Variants in MYT1L observed in about 807,000 individuals in gnomAD.
MYT1L encodes myelin transcription factor 1 like, also known as myelin transcription factor 1-like protein.
In MYT1L, 12 loss-of-function variants were observed where a neutral mutation model predicts 126.7. The observed-to-expected ratio is 0.09, with a 90% CI of 0.06 to 0.15. The LOEUF (loss-of-function observed/expected upper bound fraction) is 0.15. MYT1L is among the 10% of genes least tolerant of loss of function. The pLI is 1.00. For missense variants in MYT1L, 979 were observed against 1,585.2 expected (o/e 0.62, Z 6.49); for synonymous variants, 541 against 604.2 (o/e 0.90, Z 1.53).
chr2:2,085,579 A>G (rs1408805046), intron 3 of MYT1L, among the ~76,000 whole-genome samples: 2 of 151,988 alleles, frequency 1.3e-5, no homozygotes, highest in East Asian at 1.9e-4. Flanking sequence ...ACGGTTGTTT[A>G]TGTTCCTGTT....
chr2:1,967,255 C>T (rs11883932), intron 8 of MYT1L, among the ~76,000 whole-genome samples: 2,588 of 152,308 alleles, frequency 0.017, 70 homozygotes, highest in African/African-American at 0.057. Context: ...TTTAGCTTTT[C>T]AGGTTCTAAA....
chr2:2,191,704 C>G (rs1052081952), intron 2 of MYT1L, among the ~76,000 whole-genome samples: 1 of 152,116 alleles, frequency 6.6e-6, no homozygotes, highest in Non-Finnish European at 1.5e-5. Flanking sequence ...GAATCAAGAC[C>G]CTTTGAATAT....
At chr2:1,844,550 G>A (rs2042243525) in intron 19 of MYT1L, among the ~76,000 whole-genome samples, 1 of 152,200 alleles carries the variant, frequency 6.6e-6, no homozygotes, top group African/African-American at 2.4e-5. Context: ...TGCGCCAAGG[G>A]AGAGAAGGAA....
intron 3 of MYT1L, among the ~76,000 whole-genome samples, chr2:2,081,826 G>A (rs575797080): frequency 5.9e-5 from 9 of 152,158 alleles, no homozygotes; most frequent in South Asian, 2.1e-4. Flanking sequence ...TGCAACCTCC[G>A]CCTCCTGGGT....
At chr2:2,225,146 T>C (rs1310716055) in intron 2 of MYT1L, among the ~76,000 whole-genome samples, 3 of 151,756 alleles carry the variant, frequency 2.0e-5, no homozygotes, top group Non-Finnish European at 2.9e-5. Flanking sequence ...TCAAATCAGA[T>C]CTGCCCCAGC....
chr2:2,321,430 C>G (rs1256594372), intron 1 of MYT1L, among the ~76,000 whole-genome samples: 1 of 152,168 alleles, frequency 6.6e-6, no homozygotes, highest in Admixed American at 6.5e-5. Context: ...GTGCTTTCAG[C>G]TTCTGTTCAG....
At chr2:2,003,903 T>C (rs66737610) in intron 4 of MYT1L, among the ~76,000 whole-genome samples, 43,332 of 152,008 alleles carry the variant, frequency 0.29, 7,037 homozygotes, top group East Asian at 0.7. Context: ...GCCTAATACA[T>C]TGATTCATGC....
intron 3 of MYT1L, among the ~76,000 whole-genome samples, chr2:2,110,850 G>C (rs1203083964): frequency 2.6e-5 from 4 of 152,090 alleles, no homozygotes; most frequent in African/African-American, 7.2e-5. Context: ...ATGGAGGCGG[G>C]AGTGAGTGCT....
At chr2:2,289,073 C>T (rs1044576831) in intron 1 of MYT1L, among the ~76,000 whole-genome samples, 4 of 152,202 alleles carry the variant, frequency 2.6e-5, no homozygotes, top group African/African-American at 9.6e-5. Context: ...TTCCTTATCA[C>T]CAAACGGAGC....
At chr2:1,857,950 C>T (rs919586102) in intron 18 of MYT1L, among the ~76,000 whole-genome samples, 5 of 152,068 alleles carry the variant, frequency 3.3e-5, no homozygotes, top group Admixed American at 6.5e-5. Context: ...GCAACCTCCT[C>T]CTCCCAGGTT....
At chr2:1,798,127 C>T (rs1183825836) in intron 23 of MYT1L, among the ~76,000 whole-genome samples, 1 of 41,150 alleles carries the variant, frequency 2.4e-5, no homozygotes, top group African/African-American at 1.1e-4. Flanking sequence ...ACAGGCGCGG[C>T]GGTCTCCCTC....
intron 2 of MYT1L, among the ~76,000 whole-genome samples, chr2:2,283,620 C>T (rs2095479728): frequency 6.6e-6 from 1 of 152,112 alleles, no homozygotes; most frequent in Non-Finnish European, 1.5e-5. Context: ...AAGTGAAGGC[C>T]ACAGAAGCTG....
At position 2,290,724 on chromosome 2, in the gene MYT1L, G is replaced by C. The variant is rs187042693; in HGVS notation, c.-520-6221C>G. Among the ~76,000 whole-genome samples the C allele has an allele frequency of 5.1e-3, 775 of 152,198 alleles. 9 individuals carry two copies. The highest frequency in any genetic ancestry group is 0.018 in the African/African-American group (735 of 41,514). ...CTGGTTGCATATTGCAATTACCTGC[G>C]ACCTTTGGAAAGGCACTGACCCCTG... On this transcript the variant is annotated intron_variant, in intron 1 of 24. Transcript: ENST00000647738.
chr2:2,223,861 T>C (rs1410341924), intron 2 of MYT1L, among the ~76,000 whole-genome samples: 1 of 152,174 alleles, frequency 6.6e-6, no homozygotes, highest in Non-Finnish European at 1.5e-5. Flanking sequence ...CACAGGAGGC[T>C]TTCCTGTGAA....
intron 3 of MYT1L, among the ~76,000 whole-genome samples, chr2:2,149,430 A>G (rs1438864937): frequency 6.6e-6 from 1 of 152,222 alleles, no homozygotes; most frequent in African/African-American, 2.4e-5. Context: ...CAAATGAGGA[A>G]AGCAATGGGG....
At chr2:2,205,067 A>T (rs936472143) in intron 2 of MYT1L, among the ~76,000 whole-genome samples, 1 of 141,980 alleles carries the variant, frequency 7.0e-6, no homozygotes, top group Non-Finnish European at 1.5e-5. Context: ...AACAATGAGA[A>T]CACATGGACA....
rs374568385 is a variant in MYT1L, at chr2:1,956,345, T to TTCTA, written c.153-13015_153-13012dup. On this transcript the variant is annotated intron_variant, in intron 8 of 24. Coordinates refer to ENST00000647738, the MANE Select transcript of MYT1L (RefSeq NM_001303052.2). ...TATGTGTCCTATTCTATATTTCCTA[T>TTCTA]TCTATCTATCTATCTATCATCTATC... Among the ~76,000 whole-genome samples, 350 of 136,300 alleles carry TTCTA rather than the reference T, an allele frequency of 2.6e-3. 26 individuals are homozygous for TTCTA. The highest frequency in any genetic ancestry group is 0.011 in the African/African-American group (315 of 27,798). The allele number at this position is 136,300 out of a possible 152,430, so 89.4% of individuals were successfully genotyped here.
At chr2:1,835,911 A>C (rs1170552799) in intron 21 of MYT1L, among the ~76,000 whole-genome samples, 4 of 152,144 alleles carry the variant, frequency 2.6e-5, no homozygotes, top group Non-Finnish European at 5.9e-5. Flanking sequence ...GTGAATACTG[A>C]TACCCGGGGC....
chr2:2,011,860 ATGAGATGCT>A (rs2063858060), intron 4 of MYT1L, among the ~76,000 whole-genome samples: 1 of 152,234 alleles, frequency 6.6e-6, no homozygotes. Context: ...AGAAGCAAAC[ATGAGATGCT>A]GACAAGTGCT....
Sources: allele counts gnomAD v4.1 joint callset (sites outside exome capture counted in the v4.1 genomes callset), GRCh38; gene constraint gnomAD v4.1.1; transcripts MANE v1.5; gene names NCBI Gene and HGNC (gene_info 2026-07-23, HGNC 2026-07-21).